Variants in PAFAH1B1 observed in about 807,000 individuals in gnomAD.
PAFAH1B1 encodes the protein platelet-activating factor acetylhydrolase IB subunit beta.
PAFAH1B1 carries 2 observed loss-of-function variants against 57.5 expected under a neutral mutation model. The observed-to-expected ratio is 0.03, with a 90% CI of 0.01 to 0.11. PAFAH1B1 has a LOEUF of 0.11. Among genes scored for constraint, PAFAH1B1 ranks in the 10% least tolerant of loss-of-function variants. PAFAH1B1 has a pLI of 1.00. For synonymous variants in PAFAH1B1, 152 were observed against 169.6 expected, an observed-to-expected ratio of 0.90 and a Z score of 0.81; for missense variants, 257 against 512.0, an observed-to-expected ratio of 0.50 and a Z score of 4.81.
At chr17:2,606,621 G>T (rs1597511575) in intron 1 of PAFAH1B1, among the ~76,000 whole-genome samples, 1 of 152,040 alleles carries the variant, frequency 6.6e-6, no homozygotes, top group East Asian at 1.9e-4. Flanking sequence ...CTCCCAAAAT[G>T]CTGGGATTAC....
In PAFAH1B1 at chr17:2,638,143, G is replaced by T; in HGVS notation, c.-146G>T. On this transcript the variant is annotated 5_prime_UTR_variant, in exon 2 of 11. Coordinates refer to ENST00000397195, the MANE Select transcript of PAFAH1B1 (RefSeq NM_000430.4). ...TTGAATATCTTCTGGTTACTAGTTG[G>T]ATTCATTTGTGAAAGAATCATTTTC... The T allele has an allele frequency of 1.6e-6, 1 of 613,012 alleles. No homozygotes were observed. The highest frequency in any genetic ancestry group is 2.9e-6 in the Non-Finnish European group (1 of 339,716). The allele number at this position is 613,012 out of a possible 1,614,324, so 38.0% of individuals were successfully genotyped here.
chr17:2,670,086 T>C (rs2069160024), intron 5 of PAFAH1B1, 77 bp from the exon 6 acceptor site: 1 of 1,181,220 alleles, frequency 8.5e-7, no homozygotes, highest in Non-Finnish European at 1.3e-6. Context: ...GGTGCCAGAC[T>C]GGCCTGCTGA....
At chr17:2,653,067 A>G (rs2068886228) in intron 2 of PAFAH1B1, among the ~76,000 whole-genome samples, 1 of 152,246 alleles carries the variant, frequency 6.6e-6, no homozygotes, top group African/African-American at 2.4e-5. Context: ...TGGTACATAT[A>G]CATCGTGGAA....
At chr17:2,673,978 C>A (rs2069224128) in intron 7 of PAFAH1B1, 82 bp from the exon 8 acceptor site, 2 of 956,260 alleles carry the variant, frequency 2.1e-6, no homozygotes, top group Non-Finnish European at 3.3e-6. Context: ...TTCTCTTCAT[C>A]CCAGTACATA....
chr17:2,601,247 G>A (rs1282113874), intron 1 of PAFAH1B1, among the ~76,000 whole-genome samples: 2 of 151,926 alleles, frequency 1.3e-5, no homozygotes, highest in African/African-American at 2.4e-5. Context: ...TGATTTTCCT[G>A]CCTCAGCCTT....
intron 2 of PAFAH1B1, among the ~76,000 whole-genome samples, chr17:2,664,770 G>A (rs1464616926): frequency 6.7e-6 from 1 of 150,330 alleles, no homozygotes; most frequent in Non-Finnish European, 1.5e-5. Flanking sequence ...ACTGTAGAAG[G>A]CAAACATGAA....
At chr17:2,657,697 C>G (rs889158510) in intron 2 of PAFAH1B1, among the ~76,000 whole-genome samples, 1 of 152,178 alleles carries the variant, frequency 6.6e-6, no homozygotes, top group Admixed American at 6.6e-5. Context: ...AAAGATTCTT[C>G]CATTCAGTCT....
intron 1 of PAFAH1B1, among the ~76,000 whole-genome samples, chr17:2,622,518 C>G (rs957765488): frequency 1.4e-4 from 22 of 152,200 alleles, no homozygotes; most frequent in African/African-American, 5.3e-4. Context: ...CTCCAGGTCT[C>G]AGATCCAGGT....
At chr17:2,678,597 CAT>C (rs2069313170) in intron 9 of PAFAH1B1, among the ~76,000 whole-genome samples, 1 of 151,218 alleles carries the variant, frequency 6.6e-6, no homozygotes. Flanking sequence ...ACAAGAAAAA[CAT>C]ACTCTTGGCC....
rs111750856 is a variant in PAFAH1B1, at chr17:2,638,490, T to C, written c.32+170T>C. On this transcript the variant is annotated intron_variant, in intron 2 of 10. Coordinates refer to ENST00000397195, the MANE Select transcript of PAFAH1B1 (RefSeq NM_000430.4). The stretch of plus-strand genomic sequence containing the variant: ...ATTTTAAAACAGTCTTATTATGATA[T>C]AGCATTATTTTTAAAATTTATTTAT... 1.7e-4 allele frequency: 101 copies of C among 587,886 alleles called. 1 individual carries two copies. The highest frequency in any genetic ancestry group is 1.1e-3 in the African/African-American group (59 of 52,962). The allele number at this position is 587,886 out of a possible 1,614,324, so 36.4% of individuals were successfully genotyped here.
At chr17:2,677,905 G>A (rs1045561018) in intron 9 of PAFAH1B1, among the ~76,000 whole-genome samples, 3 of 152,024 alleles carry the variant, frequency 2.0e-5, no homozygotes, top group Non-Finnish European at 4.4e-5. Flanking sequence ...TCCTCTAGTA[G>A]TATTCTGAGC....
intron 2 of PAFAH1B1, chr17:2,641,842 A>C (rs2068699203): frequency 6.6e-6 from 1 of 152,170 alleles, no homozygotes; most frequent in Admixed American, 6.6e-5. Context: ...TGCATGTATA[A>C]ATACATATAC....
At chr17:2,668,311 G>A (rs550914567) in intron 5 of PAFAH1B1, among the ~76,000 whole-genome samples, 14 of 148,504 alleles carry the variant, frequency 9.4e-5, no homozygotes, top group Non-Finnish European at 1.9e-4. Flanking sequence ...GCGACAGAGC[G>A]AGACTGTCTC....
At chr17:2,628,882 G>A (rs1415532432) in intron 1 of PAFAH1B1, among the ~76,000 whole-genome samples, 1 of 152,118 alleles carries the variant, frequency 6.6e-6, no homozygotes, top group Admixed American at 6.5e-5. Flanking sequence ...GTGTAAAGGT[G>A]CTCACAGTAG....
intron 8 of PAFAH1B1, among the ~76,000 whole-genome samples, chr17:2,674,740 T>C (rs551825956): frequency 6.6e-6 from 1 of 152,362 alleles, no homozygotes; most frequent in African/African-American, 2.4e-5. Context: ...TGAAGACTAA[T>C]CCATATGGCA....
chr17:2,619,974 G>A (rs934058687), intron 1 of PAFAH1B1, among the ~76,000 whole-genome samples: 1 of 151,902 alleles, frequency 6.6e-6, no homozygotes, highest in Non-Finnish European at 1.5e-5. Flanking sequence ...TATTCTTTGT[G>A]GAGATGTGGT....
At chr17:2,680,048 T>C (rs1369618269) in intron 9 of PAFAH1B1, 116 bp from the exon 10 acceptor site, 4 of 963,562 alleles carry the variant, frequency 4.2e-6, no homozygotes, top group Admixed American at 1.9e-5. Context: ...CCCTAGACTT[T>C]TATTTTCTTC....
At chr17:2,671,465 A>G (rs2151665000) in intron 6 of PAFAH1B1, among the ~76,000 whole-genome samples, 1 of 151,636 alleles carries the variant, frequency 6.6e-6, no homozygotes, top group East Asian at 1.9e-4. Flanking sequence ...AGCCTCCCAA[A>G]GTGCTGGAAT....
At chr17:2,668,804 T>C (rs374828522) in intron 5 of PAFAH1B1, among the ~76,000 whole-genome samples, 3 of 151,970 alleles carry the variant, frequency 2.0e-5, no homozygotes, top group Non-Finnish European at 4.4e-5. Context: ...TGAAACCCCG[T>C]CTCTACTAAA....
Sources: gnomAD v4.1 joint callset for allele counts (sites outside exome capture counted in the v4.1 genomes callset) on GRCh38, gnomAD v4.1.1 for gene constraint, MANE v1.5 for transcripts, NCBI Gene and HGNC (gene_info 2026-07-23, HGNC 2026-07-21) for gene names.